PLAC1: variants seen among roughly 807,000 people sequenced by gnomAD.
PLAC1 encodes placenta-specific protein 1.
For synonymous variants in PLAC1, 68 were observed against 62.1 expected, an observed-to-expected ratio of 1.09 and a Z score of -0.44; for missense variants, 136 against 163.2, an observed-to-expected ratio of 0.83 and a Z score of 0.91.
intron 1 of PLAC1, among the ~76,000 whole-genome samples, chrX:134,655,072 T>C: frequency 8.9e-6 from 1 of 111,856 alleles, no homozygotes; most frequent in Middle Eastern, 4.6e-3. Context: ...TTTCAAGAAA[T>C]GTGACCAGTG....
intron 1 of PLAC1, among the ~76,000 whole-genome samples, chrX:134,647,083 G>T (rs2124430868): frequency 8.9e-6 from 1 of 111,817 alleles, no homozygotes; most frequent in East Asian, 2.8e-4. Flanking sequence ...CAGAAGTGGG[G>T]ACAGAACCTG....
chrX:134,743,892 C>T (rs188425130), intron 1 of PLAC1, among the ~76,000 whole-genome samples: 2 of 112,387 alleles, frequency 1.8e-5, no homozygotes, highest in East Asian at 5.6e-4. Context: ...GGTAACCGAA[C>T]GTGAATACTG....
chrX:134,683,699 A>T (rs1403068161), intron 2 of PLAC1, among the ~76,000 whole-genome samples: 1 of 111,725 alleles, frequency 9.0e-6, no homozygotes, highest in African/African-American at 3.3e-5. Flanking sequence ...CTTGAAAAAT[A>T]CTGTGAAACC....
At chrX:134,726,307 G>A (rs1345023836) in intron 2 of PLAC1, among the ~76,000 whole-genome samples, 1 of 110,892 alleles carries the variant, frequency 9.0e-6, no homozygotes, top group Non-Finnish European at 1.9e-5. Flanking sequence ...ACCCCTACTC[G>A]AAGCTGGAGT....
At chrX:134,585,175 C>CA (rs56343935) in intron 2 of PLAC1, among the ~76,000 whole-genome samples, 402 of 33,478 alleles carry the variant, frequency 0.012, 19 homozygotes, top group East Asian at 0.041. Context: ...ACTAAAAGTA[C>CA]AAAAAAAAAA....
chrX:134,696,796 A>G (rs1034262073), intron 2 of PLAC1, among the ~76,000 whole-genome samples: 3 of 110,375 alleles, frequency 2.7e-5, no homozygotes, highest in Non-Finnish European at 5.7e-5. Flanking sequence ...TGGGAGGCCG[A>G]GGCGGGAGGA....
intron 1 of PLAC1, among the ~76,000 whole-genome samples, chrX:134,736,466 C>G (rs932953554): frequency 9.1e-6 from 1 of 109,986 alleles, no homozygotes; most frequent in African/African-American, 3.3e-5. Context: ...GACAGAGCCC[C>G]AAACCGCCCC....
intron 1 of PLAC1, among the ~76,000 whole-genome samples, chrX:134,743,906 A>G (rs1465674377): frequency 8.9e-6 from 1 of 112,591 alleles, no homozygotes; most frequent in East Asian, 2.8e-4. Flanking sequence ...AATACTGAAT[A>G]AGGACATCTG....
intron 1 of PLAC1, among the ~76,000 whole-genome samples, chrX:134,647,920 C>T (rs753518339): frequency 3.3e-4 from 36 of 110,461 alleles, no homozygotes; most frequent in Middle Eastern, 4.7e-3. Flanking sequence ...AGAGATACAC[C>T]CTTGGGCAGT....
At position 134,611,496 on chromosome X, in the gene PLAC1, G is replaced by GAT. The variant is rs201826945; in HGVS notation, c.-130-9376_-130-9375dup. Among the ~76,000 whole-genome samples the GAT allele has an allele frequency of 6.6e-3, 443 of 66,684 alleles. 4 individuals are homozygous for GAT. The highest frequency in any genetic ancestry group is 0.03 in the African/African-American group (416 of 13,809). The allele number at this position is 66,684 out of a possible 115,157, so 57.9% of individuals were successfully genotyped here. A position where few individuals can be genotyped will look rare whatever the true frequency, so the allele number is the denominator to read the frequency against. The stretch of plus-strand genomic sequence containing the variant: ...TATAGATATATAGATTATATATATA[G>GAT]ATATATATATACACACACACACATA... On this transcript the variant is annotated intron_variant, in intron 1 of 2. Transcript: ENST00000359237.
intron 2 of PLAC1, among the ~76,000 whole-genome samples, chrX:134,708,199 C>T (rs1433021467): frequency 7.2e-5 from 8 of 111,879 alleles, no homozygotes; most frequent in Non-Finnish European, 1.3e-4. Context: ...GCACAGAATT[C>T]TACACCCAGC....
chrX:134,736,857 A>G (rs1037389042), intron 1 of PLAC1, among the ~76,000 whole-genome samples: 1 of 112,303 alleles, frequency 8.9e-6, no homozygotes, highest in Admixed American at 9.4e-5. Flanking sequence ...GTTTGATTCT[A>G]GAAGCAAGTG....
At chrX:134,620,612 T>C (rs978887444) in intron 1 of PLAC1, among the ~76,000 whole-genome samples, 1 of 111,958 alleles carries the variant, frequency 8.9e-6, no homozygotes, top group African/African-American at 3.2e-5. Flanking sequence ...CCATCATCTA[T>C]TGCCTCTCCA....
intron 2 of PLAC1, among the ~76,000 whole-genome samples, chrX:134,585,690 T>A (rs1159340658): frequency 9.0e-6 from 1 of 111,084 alleles, no homozygotes; most frequent in Non-Finnish European, 1.9e-5. Context: ...TGGCAGCTGG[T>A]TAGGCAGCTG....
At chrX:134,700,657 T>C (rs2078579842) in intron 2 of PLAC1, among the ~76,000 whole-genome samples, 1 of 111,433 alleles carries the variant, frequency 9.0e-6, no homozygotes, top group Non-Finnish European at 1.9e-5. Context: ...ATGTCCAAGC[T>C]AAGAGCCAAT....
chrX:134,570,385 A>G (rs2077902360), intron 2 of PLAC1, among the ~76,000 whole-genome samples: 1 of 111,384 alleles, frequency 9.0e-6, no homozygotes, highest in South Asian at 3.8e-4. Flanking sequence ...CATGCACAGT[A>G]TCCCAGGAGC....
intron 2 of PLAC1, among the ~76,000 whole-genome samples, chrX:134,730,594 G>A (rs976318484): frequency 3.6e-5 from 4 of 110,830 alleles, no homozygotes; most frequent in Admixed American, 9.6e-5. Flanking sequence ...ATAGTTGTGC[G>A]CCACTATGCC....
chrX:134,704,458 A>C (rs1602923887), intron 2 of PLAC1, among the ~76,000 whole-genome samples: 1 of 102,020 alleles, frequency 9.8e-6, no homozygotes, highest in Non-Finnish European at 2.0e-5. Context: ...GCAACATTGC[A>C]CTCCAGCCTG....
chrX:134,644,589 C>G (rs913057679), intron 1 of PLAC1, among the ~76,000 whole-genome samples: 17 of 109,522 alleles, frequency 1.6e-4, no homozygotes, highest in African/African-American at 4.7e-4. Flanking sequence ...TCCTGATGCT[C>G]TCCTCCCCCT....
Sources: allele counts gnomAD v4.1 joint callset (sites outside exome capture counted in the v4.1 genomes callset), GRCh38; gene constraint gnomAD v4.1.1; transcripts MANE v1.5; gene names NCBI Gene and HGNC (gene_info 2026-07-23, HGNC 2026-07-21).